GRB10: variants seen among roughly 807,000 people sequenced by gnomAD.
GRB10 encodes the protein growth factor receptor bound protein 10.
A neutral mutation model predicts 80.9 loss-of-function variants in GRB10; 20 were observed. The ratio of observed to expected loss-of-function variants is 0.25; its 90% CI spans 0.17 to 0.36. GRB10 has a LOEUF of 0.36. Ranked by LOEUF, GRB10 falls within the 10% of genes least tolerant of loss-of-function variation. The probability of loss-of-function intolerance (pLI) is 1.00; values close to 1 mark genes in which losing one functional copy is unlikely to be tolerated. For missense variants in GRB10, 548 were observed against 747.7 expected (o/e 0.73, Z 3.12); for synonymous variants, 291 against 291.5 (o/e 1.00, Z 0.02).
chr7:50,649,460 G>A (rs1157594483), intron 7 of GRB10, among the ~76,000 whole-genome samples: 2 of 152,226 alleles, frequency 1.3e-5, no homozygotes, highest in African/African-American at 4.8e-5. Context: ...TGGCAAATGT[G>A]AGGGACCAAG....
At chr7:50,666,357 T>G (rs2059798268) in intron 7 of GRB10, among the ~76,000 whole-genome samples, 1 of 152,106 alleles carries the variant, frequency 6.6e-6, no homozygotes, top group Non-Finnish European at 1.5e-5. Context: ...GAGGCGGCAT[T>G]GGAGGAATCG....
intron 1 of GRB10, among the ~76,000 whole-genome samples, chr7:50,789,263 T>C (rs528867543): frequency 2.6e-5 from 4 of 152,248 alleles, no homozygotes; most frequent in African/African-American, 9.6e-5. Context: ...ACCAACCTTA[T>C]AAATTAATAG....
intron 17 of GRB10, among the ~76,000 whole-genome samples, chr7:50,602,304 G>A (rs1442054052): frequency 2.6e-5 from 4 of 152,186 alleles, no homozygotes; most frequent in Non-Finnish European, 4.4e-5. Context: ...TGTGGTGGAC[G>A]GGGACGGTAG....
chr7:50,642,286 ACACACACACACGCATG>A (rs2056394167), intron 7 of GRB10, among the ~76,000 whole-genome samples: 1 of 151,912 alleles, frequency 6.6e-6, no homozygotes, highest in Non-Finnish European at 1.5e-5. Context: ...CTTCACACAC[ACACACACACACGCATG>A]CACACACACA....
chr7:50,733,745 C>G (rs1051804863), intron 3 of GRB10, among the ~76,000 whole-genome samples: 23 of 152,218 alleles, frequency 1.5e-4, no homozygotes, highest in Non-Finnish European at 1.6e-4. Context: ...TGGTGTTACA[C>G]GTCAACAGTC....
chr7:50,785,758 C>T (rs557040881), upstream of GRB10, among the ~76,000 whole-genome samples: 11 of 152,310 alleles, frequency 7.2e-5, no homozygotes, highest in African/African-American at 1.2e-4. Flanking sequence ...CTCTGCTTTC[C>T]GGGTAAGCTG....
intron 7 of GRB10, among the ~76,000 whole-genome samples, chr7:50,639,554 TC>T (rs1280354875): frequency 1.3e-5 from 2 of 152,034 alleles, no homozygotes; most frequent in Admixed American, 6.6e-5. Context: ...GCGCCTGTAG[TC>T]CCAGCTACTT....
chr7:50,777,199 T>G (rs969795392), intron 2 of GRB10, among the ~76,000 whole-genome samples: 3 of 152,146 alleles, frequency 2.0e-5, no homozygotes, highest in Non-Finnish European at 2.9e-5. Flanking sequence ...TGGTGCCTTG[T>G]TGCCACACCC....
intron 4 of GRB10, among the ~76,000 whole-genome samples, chr7:50,718,487 C>A (rs1384258061): frequency 2.6e-5 from 4 of 152,122 alleles, no homozygotes; most frequent in African/African-American, 9.7e-5. Context: ...TCGGCTCAGG[C>A]TGCTCACTGC....
At chr7:50,630,469 C>G (rs949582534) in intron 7 of GRB10, among the ~76,000 whole-genome samples, 4 of 152,186 alleles carry the variant, frequency 2.6e-5, no homozygotes. Context: ...CTCCCTGGGA[C>G]GTGCTTGGAT....
intron 7 of GRB10, among the ~76,000 whole-genome samples, chr7:50,635,387 A>T (rs4612291): frequency 1.3e-5 from 2 of 151,984 alleles, no homozygotes; most frequent in Non-Finnish European, 2.9e-5. Context: ...GTGCTAAGAA[A>T]TAAGTTTTAT....
intron 1 of GRB10, among the ~76,000 whole-genome samples, chr7:50,791,577 G>C (rs1475707697): frequency 1.3e-5 from 2 of 152,328 alleles, no homozygotes; most frequent in East Asian, 1.9e-4. Context: ...GGAGGTTGTA[G>C]AGGGGATTAA....
intron 1 of GRB10, chr7:50,792,980 C>CGGGGA (rs1404050431): frequency 6.8e-6 from 1 of 146,258 alleles, no homozygotes; most frequent in Non-Finnish European, 1.5e-5. Context: ...TCCGCCTCCG[C>CGGGGA]CGCGCGCCCG....
intron 2 of GRB10, among the ~76,000 whole-genome samples, chr7:50,766,970 T>C (rs2076402594): frequency 6.6e-6 from 1 of 152,178 alleles, no homozygotes; most frequent in Non-Finnish European, 1.5e-5. Flanking sequence ...ACAGGAATGG[T>C]TGGTAAACAA....
intron 1 of GRB10, among the ~76,000 whole-genome samples, chr7:50,791,384 T>C (rs779890262): frequency 6.6e-6 from 1 of 152,214 alleles, no homozygotes; most frequent in Non-Finnish European, 1.5e-5. Flanking sequence ...TGGCAGGCTA[T>C]ACATACCTGA....
chr7:50,595,908 G>A (rs891367124), intron 17 of GRB10: 1 of 188,354 alleles, frequency 5.3e-6, no homozygotes, highest in Non-Finnish European at 1.1e-5. Flanking sequence ...ACTAAATCTG[G>A]GCATCAAAAT....
chr7:50,775,176 A>AAAAAAAAAAAAAAAAAAAAAAAAC (rs1562689383), intron 2 of GRB10, among the ~76,000 whole-genome samples: 2 of 148,706 alleles, frequency 1.3e-5, no homozygotes, highest in Admixed American at 6.7e-5. Flanking sequence ...AAAAAAAACA[A>AAAAAAAAAAAAAAAAAAAAAAAAC]AAAAAAACAG....
intron 5 of GRB10, among the ~76,000 whole-genome samples, chr7:50,681,529 T>C (rs1217310215): frequency 6.6e-6 from 1 of 152,234 alleles, no homozygotes; most frequent in Non-Finnish European, 1.5e-5. Flanking sequence ...ATTTTACAAA[T>C]GAGCTGCTAA....
intron 5 of GRB10, among the ~76,000 whole-genome samples, chr7:50,695,114 C>T (rs985011385): frequency 6.6e-6 from 1 of 152,168 alleles, no homozygotes; most frequent in African/African-American, 2.4e-5. Flanking sequence ...ATGACTTCTC[C>T]CCACTGCCTA....
Sources: gnomAD v4.1 joint callset for allele counts (sites outside exome capture counted in the v4.1 genomes callset) on GRCh38, gnomAD v4.1.1 for gene constraint, MANE v1.5 for transcripts, NCBI Gene and HGNC (gene_info 2026-07-23, HGNC 2026-07-21) for gene names.